Variants in ZP3 observed in about 807,000 individuals in gnomAD.
ZP3 encodes zona pellucida sperm-binding protein 3.
A neutral mutation model predicts 35.6 loss-of-function variants in ZP3; 21 were observed. The observed-to-expected ratio is 0.59, with a 90% CI of 0.42 to 0.85. The LOEUF (loss-of-function observed/expected upper bound fraction) is 0.85. Ranked by LOEUF, ZP3 falls within the 40% of genes least tolerant of loss-of-function variation. ZP3 has a pLI of 0.00. For synonymous variants in ZP3, 207 were observed against 214.5 expected, an observed-to-expected ratio of 0.96 and a Z score of 0.31; for missense variants, 437 against 536.5, an observed-to-expected ratio of 0.81 and a Z score of 1.83.
chr7:76,420,357 G>GTTT (rs1271375362), upstream of ZP3, among the ~76,000 whole-genome samples: 5 of 152,092 alleles, frequency 3.3e-5, no homozygotes, highest in Non-Finnish European at 5.9e-5. Context: ...TTGGCTTTTT[G>GTTT]ATCCTTAGCT....
At chr7:76,401,168 C>G (rs1462943282) in intron 1 of ZP3, 4 of 1,304,828 alleles carry the variant, frequency 3.1e-6, no homozygotes, top group Non-Finnish European at 4.1e-6. Flanking sequence ...TTCAGTACCC[C>G]TGCTTTGCCA....
chr7:76,426,005 C>T (rs1321235282), intron 1 of ZP3, among the ~76,000 whole-genome samples: 2 of 151,810 alleles, frequency 1.3e-5, no homozygotes, highest in East Asian at 3.9e-4. Flanking sequence ...ATCGCTTGAA[C>T]CCAGGAGGCA....
chr7:76,400,865 A>G (rs1804801028), intron 1 of ZP3: 1 of 1,222,784 alleles, frequency 8.2e-7, no homozygotes, highest in African/African-American at 1.5e-5. Context: ...CTTCTGGAAA[A>G]TGGGGAGACT....
intron 1 of ZP3, among the ~76,000 whole-genome samples, chr7:76,418,628 G>A (rs1176634255): frequency 2.2e-5 from 3 of 134,072 alleles, no homozygotes; most frequent in African/African-American, 8.5e-5. Flanking sequence ...AGGCCAAGGC[G>A]GGCAGATCAC....
chr7:76,397,811 A>G, intron 1 of ZP3: 2 of 1,591,616 alleles, frequency 1.3e-6, no homozygotes, highest in South Asian at 2.2e-5. Flanking sequence ...CGCGCCCCCT[A>G]CCAGGCGTAC....
At chr7:76,419,958 CGCCCA>C (rs1224753652), upstream of ZP3, among the ~76,000 whole-genome samples, 1 of 151,958 alleles carries the variant, frequency 6.6e-6, no homozygotes, top group Admixed American at 6.6e-5. Flanking sequence ...CGCGACACCA[CGCCCA>C]GCTAATTTTG....
intron 7 of ZP3, among the ~76,000 whole-genome samples, chr7:76,441,577 CG>C (rs972481981): frequency 6.6e-6 from 1 of 151,872 alleles, no homozygotes; most frequent in African/African-American, 2.4e-5. Context: ...TCAGTAGAGA[CG>C]GGTCTTGCCG....
chr7:76,413,348 G>A (rs948600378), intron 1 of ZP3, among the ~76,000 whole-genome samples: 11 of 150,188 alleles, frequency 7.3e-5, no homozygotes, highest in African/African-American at 2.5e-4. Context: ...TCAACCTCTT[G>A]GGCTCAAGCG....
At chr7:76,426,640 G>A (rs1246067875) in intron 1 of ZP3, among the ~76,000 whole-genome samples, 2 of 151,780 alleles carry the variant, frequency 1.3e-5, no homozygotes, top group Non-Finnish European at 2.9e-5. Context: ...GGAGCCAGGT[G>A]CCTGGCTCCC....
At chr7:76,434,940 A>C (rs1190314132) in intron 5 of ZP3, among the ~76,000 whole-genome samples, 2 of 151,960 alleles carry the variant, frequency 1.3e-5, no homozygotes, top group Non-Finnish European at 2.9e-5. Context: ...CTAAGAGGGA[A>C]GGAGAAGGAA....
chr7:76,405,294 TATATATATATATATATATA>T lies in ZP3; in HGVS notation c.-67+7498_-67+7516del, dbSNP rs1458262368. On this transcript the variant is annotated intron_variant, in intron 1 of 8. Transcript: ENST00000336517. ...AATTATATATATATATATATATATA[TATATATATATATATATATA>T]TATGTATTTTTTTCTTTCTTTCTTT... Among the ~76,000 whole-genome samples the T allele has an allele frequency of 1.4e-3, 76 of 53,092 alleles. 1 individual carries two copies. The highest frequency in any genetic ancestry group is 5.8e-3 in the African/African-American group (72 of 12,438). 34.8% of individuals were successfully genotyped at this position (53,092 alleles called of 152,430 possible). A position where few individuals can be genotyped will look rare whatever the true frequency, so the allele number is the denominator to read the frequency against.
intron 5 of ZP3, among the ~76,000 whole-genome samples, chr7:76,437,992 T>A (rs1416198021): frequency 6.6e-6 from 1 of 152,238 alleles, no homozygotes; most frequent in Non-Finnish European, 1.5e-5. Context: ...ACTGCTAAAC[T>A]GGCTTGTTTC....
intron 1 of ZP3, among the ~76,000 whole-genome samples, chr7:76,405,990 TTTC>T (rs1288020145): frequency 6.6e-6 from 1 of 151,902 alleles, no homozygotes; most frequent in Non-Finnish European, 1.5e-5. Context: ...TTTCTTTTCT[TTTC>T]TTTTCTTTCT....
intron 1 of ZP3, among the ~76,000 whole-genome samples, chr7:76,405,304 TA>T (rs1563686897): frequency 3.1e-4 from 19 of 60,416 alleles, no homozygotes; most frequent in African/African-American, 8.9e-4. Flanking sequence ...TATATATATA[TA>T]TATATATATA....
intron 1 of ZP3, among the ~76,000 whole-genome samples, chr7:76,418,412 A>G (rs541444297): frequency 2.4e-4 from 36 of 151,862 alleles, no homozygotes; most frequent in African/African-American, 8.2e-4. Context: ...TTAGCCAGGC[A>G]TGGTGGCACG....
intron 1 of ZP3, among the ~76,000 whole-genome samples, chr7:76,427,604 G>A (rs1805706684): frequency 6.6e-6 from 1 of 151,872 alleles, no homozygotes; most frequent in Non-Finnish European, 1.5e-5. Context: ...TTAATGGAAT[G>A]CCCTCTTGCC....
intron 5 of ZP3, 42 bp downstream of exon 5, chr7:76,434,197 C>CT: frequency 1.2e-6 from 1 of 840,310 alleles, no homozygotes; most frequent in Middle Eastern, 3.5e-4. Context: ...AACTTGCAAC[C>CT]TTCATATCCT....
Position 76,410,999 on chromosome 7 carries a change from GAAAAA to G in ZP3, c.-67+13216_-67+13220del, listed in dbSNP as rs977138723. ...AACAGAGCAAGACTCCATCTCAAAA[GAAAAA>G]AAAAAAAAAAAAAGAAAAGAAAATA... On this transcript the variant is annotated intron_variant, in intron 1 of 8. Transcript: ENST00000336517. Among the ~76,000 whole-genome samples the G allele has an allele frequency of 3.7e-5, 3 of 80,284 alleles. No individual in the cohort carries two copies. The South Asian group carries it at 1.3e-3, about 34-fold the overall frequency. The allele number at this position is 80,284 out of a possible 152,430, so 52.7% of individuals were successfully genotyped here. A position where few individuals can be genotyped will look rare whatever the true frequency, so the allele number is the denominator to read the frequency against.
rs1228233094 is a variant in ZP3 at position 76,400,584 on chromosome 7, C to A, written c.-67+2787C>A. On this transcript the variant is annotated intron_variant, in intron 1 of 8. Transcript: ENST00000336517. ...GGCAGCGGCTGGGGCCCCCCACCAG[C>A]CTCAGCTCTGTGAAGAGGGTGGAGC... is the stretch of plus-strand genomic sequence containing the variant. The A allele has an allele frequency of 2.7e-6, 4 of 1,472,152 alleles. No individual in the cohort carries two copies. In the East Asian group the frequency reaches 1.0e-4, roughly 38 times the overall value. 91.2% of individuals were successfully genotyped at this position (1,472,152 alleles called of 1,614,324 possible).
Sources: allele counts gnomAD v4.1 joint callset (sites outside exome capture counted in the v4.1 genomes callset), GRCh38; gene constraint gnomAD v4.1.1; transcripts MANE v1.5; gene names NCBI Gene and HGNC (gene_info 2026-07-23, HGNC 2026-07-21).